The following KHDRBS2 variants were observed in gnomAD, a reference collection of about 807,000 sequenced individuals.
The protein encoded by KHDRBS2 is KH domain-containing, RNA-binding, signal transduction-associated protein 2.
In KHDRBS2, 26 loss-of-function variants were observed where a neutral mutation model predicts 44.3. The observed-to-expected ratio is 0.59, with a 90% CI of 0.43 to 0.81. The LOEUF (loss-of-function observed/expected upper bound fraction) is 0.81, where lower values mean the gene tolerates loss of function less well. Ranked by LOEUF, KHDRBS2 falls within the 40% of genes least tolerant of loss-of-function variation. KHDRBS2 has a pLI of 0.00. For synonymous variants in KHDRBS2, 194 were observed against 151.1 expected, an observed-to-expected ratio of 1.28 and a Z score of -2.08; for missense variants, 476 against 433.1, an observed-to-expected ratio of 1.10 and a Z score of -0.88.
the KHDRBS2 span, among the ~76,000 whole-genome samples, chr6:61,643,927 A>G: frequency 1.2e-4 from 19 of 152,288 alleles, 1 homozygote; most frequent in South Asian, 3.9e-3. Flanking sequence ...ACTACCAATG[A>G]CATTCTTCAC....
chr6:61,959,360 T>G (rs1768130611), intron 4 of KHDRBS2, among the ~76,000 whole-genome samples: 1 of 152,184 alleles, frequency 6.6e-6, no homozygotes, highest in South Asian at 2.1e-4. Flanking sequence ...TCAGCCAGAT[T>G]TCTTTTGGCA....
At chr6:62,229,430 T>A (rs1313571902) in intron 1 of KHDRBS2, among the ~76,000 whole-genome samples, 1 of 152,106 alleles carries the variant, frequency 6.6e-6, no homozygotes, top group Admixed American at 6.5e-5. Context: ...TCTGGGAGAT[T>A]AGTGTGTTAG....
chr6:61,869,355 T>C (rs1798256536), intron 6 of KHDRBS2, among the ~76,000 whole-genome samples: 1 of 152,100 alleles, frequency 6.6e-6, no homozygotes, highest in Non-Finnish European at 1.5e-5. Context: ...TGAGAGAAAA[T>C]ATTTGATGAC....
At chr6:62,117,783 A>AT (rs996765135) in intron 2 of KHDRBS2, among the ~76,000 whole-genome samples, 272 of 149,468 alleles carry the variant, frequency 1.8e-3, no homozygotes, top group Middle Eastern at 3.4e-3. Context: ...CAAATATTTT[A>AT]TTTTTTTTTT....
chr6:61,850,453 A>G (rs939060569), intron 6 of KHDRBS2, among the ~76,000 whole-genome samples: 4 of 152,108 alleles, frequency 2.6e-5, no homozygotes, highest in Admixed American at 2.0e-4. Context: ...GGAGAAAGTT[A>G]CTCTTGGAAA....
At chr6:61,860,987 T>G (rs1251631436) in intron 6 of KHDRBS2, among the ~76,000 whole-genome samples, 1 of 152,192 alleles carries the variant, frequency 6.6e-6, no homozygotes, top group East Asian at 1.9e-4. Flanking sequence ...TGAGCTCTTT[T>G]TCATATGTTT....
At chr6:62,226,503 T>C (rs1004822966) in intron 1 of KHDRBS2, among the ~76,000 whole-genome samples, 1 of 152,334 alleles carries the variant, frequency 6.6e-6, no homozygotes. Context: ...ACTCTGATGA[T>C]AGTTTCTTTT....
intron 4 of KHDRBS2, among the ~76,000 whole-genome samples, chr6:61,958,586 C>G (rs1005520638): frequency 9.9e-5 from 15 of 152,254 alleles, no homozygotes; most frequent in African/African-American, 3.4e-4. Context: ...AATCATCACA[C>G]CCTTGAATTT....
chr6:61,676,191 T>C (rs573402269), downstream of KHDRBS2, among the ~76,000 whole-genome samples: 3 of 151,994 alleles, frequency 2.0e-5, no homozygotes, highest in South Asian at 6.2e-4. Flanking sequence ...AAAAGGATAC[T>C]AACTTAAAGA....
downstream of KHDRBS2, among the ~76,000 whole-genome samples, chr6:61,679,480 CAG>C (rs781301766): frequency 1.3e-5 from 2 of 151,898 alleles, no homozygotes; most frequent in Non-Finnish European, 2.9e-5. Flanking sequence ...GGCAAAATTA[CAG>C]AGTTACTATT....
At chr6:61,780,283 T>C (rs1582804676) in intron 6 of KHDRBS2, among the ~76,000 whole-genome samples, 2 of 152,292 alleles carry the variant, frequency 1.3e-5, no homozygotes, top group East Asian at 3.9e-4. Flanking sequence ...GGTGGTTCAC[T>C]TGAGCTCAGA....
the KHDRBS2 span, among the ~76,000 whole-genome samples, chr6:61,564,563 A>G: frequency 1.3e-5 from 2 of 152,060 alleles, no homozygotes; most frequent in African/African-American, 2.4e-5. Context: ...GTATCTTCCA[A>G]AGCATAAATG....
chr6:62,143,152 ACGTTT>A (rs530437680), intron 2 of KHDRBS2, among the ~76,000 whole-genome samples: 1 of 152,046 alleles, frequency 6.6e-6, no homozygotes, highest in South Asian at 2.1e-4. Flanking sequence ...AACTACAGTA[ACGTTT>A]CTGCATATAC....
chr6:61,964,860 T>C (rs1265988687), intron 4 of KHDRBS2, among the ~76,000 whole-genome samples: 1 of 152,092 alleles, frequency 6.6e-6, no homozygotes, highest in Non-Finnish European at 1.5e-5. Context: ...AAATACAGTC[T>C]ACCAACAGGA....
the KHDRBS2 span, among the ~76,000 whole-genome samples, chr6:61,543,545 TA>T: frequency 6.6e-6 from 1 of 151,944 alleles, no homozygotes; most frequent in Admixed American, 6.6e-5. Flanking sequence ...GAAGGCTCCT[TA>T]AAAAAACTAA....
At chr6:62,270,090 T>C (rs1839829574) in intron 1 of KHDRBS2, among the ~76,000 whole-genome samples, 1 of 152,222 alleles carries the variant, frequency 6.6e-6, no homozygotes, top group Non-Finnish European at 1.5e-5. Flanking sequence ...GTTTGAATAT[T>C]TGTCCCCTCC....
chr6:61,846,148 C>T (rs1794374988), intron 6 of KHDRBS2, among the ~76,000 whole-genome samples: 1 of 152,204 alleles, frequency 6.6e-6, no homozygotes, highest in South Asian at 2.1e-4. Flanking sequence ...TTCACCTGTA[C>T]AGCCTGCAGA....
chr6:61,820,019 T>C (rs562294), intron 6 of KHDRBS2, among the ~76,000 whole-genome samples: 1 of 151,810 alleles, frequency 6.6e-6, no homozygotes, highest in African/African-American at 2.4e-5. Flanking sequence ...GAAGGTTCAT[T>C]AACTCGTGCA....
At chr6:62,108,637 C>A (rs1413191060) in intron 2 of KHDRBS2, among the ~76,000 whole-genome samples, 1 of 152,168 alleles carries the variant, frequency 6.6e-6, no homozygotes, top group Non-Finnish European at 1.5e-5. Flanking sequence ...GTTATAAAGA[C>A]ACATGCACAC....
Sources: allele counts gnomAD v4.1 joint callset (sites outside exome capture counted in the v4.1 genomes callset), GRCh38; gene constraint gnomAD v4.1.1; transcripts MANE v1.5; gene names NCBI Gene and HGNC (gene_info 2026-07-23, HGNC 2026-07-21).